The following ACSS3 variants were observed in gnomAD, a reference collection of about 807,000 sequenced individuals.
The protein encoded by ACSS3 is acyl-CoA synthetase short-chain family member 3, mitochondrial.
ACSS3 carries 64 observed loss-of-function variants against 84.2 expected under a neutral mutation model. The observed-to-expected ratio is 0.76, with a 90% CI of 0.62 to 0.94. The LOEUF (loss-of-function observed/expected upper bound fraction) is 0.94, where lower values mean the gene tolerates loss of function less well. Among genes scored for constraint, ACSS3 ranks in the 40% least tolerant of loss-of-function variants. ACSS3 has a pLI of 0.00. For missense variants in ACSS3, 815 were observed against 867.6 expected (o/e 0.94, Z 0.76); for synonymous variants, 317 against 310.1 (o/e 1.02, Z -0.23).
intron 12 of ACSS3, among the ~76,000 whole-genome samples, chr12:81,233,144 A>G (rs1035365483): frequency 6.6e-6 from 1 of 151,816 alleles, no homozygotes; most frequent in African/African-American, 2.4e-5. Flanking sequence ...AAAACACTTC[A>G]ACTTATTCTT....
intron 7 of ACSS3, chr12:81,174,583 G>A (rs184490427): frequency 3.3e-4 from 149 of 455,200 alleles, no homozygotes; most frequent in East Asian, 3.0e-3. Context: ...AAAGGTTTTA[G>A]GATACTAAAA....
chr12:81,121,046 C>T (rs564674178), intron 2 of ACSS3, among the ~76,000 whole-genome samples: 9 of 152,166 alleles, frequency 5.9e-5, no homozygotes, highest in South Asian at 2.1e-4. Flanking sequence ...TTTGGTTGAG[C>T]GATGTAGATG....
chr12:81,148,488 T>C (rs1886449674), intron 5 of ACSS3, among the ~76,000 whole-genome samples: 1 of 152,154 alleles, frequency 6.6e-6, no homozygotes, highest in South Asian at 2.1e-4. Context: ...CTGATTGGAT[T>C]TTTTAAACAC....
At chr12:81,229,146 G>A (rs2033371659) in intron 11 of ACSS3, among the ~76,000 whole-genome samples, 1 of 151,618 alleles carries the variant, frequency 6.6e-6, no homozygotes, top group African/African-American at 2.4e-5. Context: ...GTATAATAGA[G>A]CAATAATTTC....
Position 81,255,515 on chromosome 12 carries a change from T to A in ACSS3, c.*593T>A, listed in dbSNP as rs1313289061. The A allele has an allele frequency of 8.3e-6, 1 of 120,218 alleles. No homozygotes were observed. Among genetic ancestry groups the A allele is most frequent in the Non-Finnish European group, 2.0e-5 (1 of 49,332 alleles). 7.4% of individuals were successfully genotyped at this position (120,218 alleles called of 1,614,324 possible). A position where few individuals can be genotyped will look rare whatever the true frequency, so the allele number is the denominator to read the frequency against. ...GGGTTATAGCTATACCTTCAGGTCTTTTGTTACTTAGGCAAGGAAAACCAC... is the reference window on the plus strand; with the variant it reads ...GGGTTATAGCTATACCTTCAGGTCTATTGTTACTTAGGCAAGGAAAACCAC... On this transcript the variant is annotated 3_prime_UTR_variant, in exon 16 of 16. Transcript: ENST00000548058.
chr12:81,082,238 C>A (rs535465588), intron 1 of ACSS3, among the ~76,000 whole-genome samples: 1 of 152,314 alleles, frequency 6.6e-6, no homozygotes, highest in Admixed American at 6.5e-5. Flanking sequence ...CTTTTGGAAT[C>A]CCCAGTGTCT....
intron 8 of ACSS3, among the ~76,000 whole-genome samples, chr12:81,185,987 A>G (rs985978179): frequency 6.6e-6 from 1 of 151,876 alleles, no homozygotes; most frequent in Non-Finnish European, 1.5e-5. Context: ...TCAAAACAGT[A>G]GCTTACTGGC....
At chr12:81,126,934 A>AT (rs1326375450) in intron 2 of ACSS3, among the ~76,000 whole-genome samples, 7 of 151,960 alleles carry the variant, frequency 4.6e-5, no homozygotes, top group African/African-American at 1.7e-4. Flanking sequence ...CCACTATCAG[A>AT]TAACTATTTT....
intron 8 of ACSS3, among the ~76,000 whole-genome samples, chr12:81,197,147 G>C (rs1013173048): frequency 1.3e-5 from 2 of 151,852 alleles, no homozygotes; most frequent in Non-Finnish European, 2.9e-5. Context: ...CATCCTTATA[G>C]ATTTAAAGGT....
intron 1 of ACSS3, among the ~76,000 whole-genome samples, chr12:81,098,407 G>C (rs1402133473): frequency 6.6e-6 from 1 of 152,112 alleles, no homozygotes; most frequent in African/African-American, 2.4e-5. Context: ...ATTTGATGAT[G>C]TTTTTGTGAC....
intron 11 of ACSS3, among the ~76,000 whole-genome samples, chr12:81,228,461 G>A (rs1210050406): frequency 6.6e-6 from 1 of 151,808 alleles, no homozygotes; most frequent in Non-Finnish European, 1.5e-5. Flanking sequence ...TGTCCTTAAG[G>A]CTTAGTTTTT....
At chr12:81,231,726 T>C (rs576755138) in intron 12 of ACSS3, among the ~76,000 whole-genome samples, 1 of 151,840 alleles carries the variant, frequency 6.6e-6, no homozygotes, top group Non-Finnish European at 1.5e-5. Flanking sequence ...AAAAGTGCCT[T>C]CCTGTTTCAC....
chr12:81,165,420 C>T (rs1249153711), intron 7 of ACSS3, among the ~76,000 whole-genome samples: 12 of 152,068 alleles, frequency 7.9e-5, no homozygotes, highest in Admixed American at 5.2e-4. Context: ...CCAAGACAGG[C>T]GGATCACGAG....
intron 5 of ACSS3, among the ~76,000 whole-genome samples, chr12:81,144,471 A>G (rs1886231947): frequency 6.6e-6 from 1 of 152,138 alleles, no homozygotes; most frequent in South Asian, 2.1e-4. Context: ...AATCTGCTCG[A>G]CATAATTCTC....
intron 13 of ACSS3, among the ~76,000 whole-genome samples, chr12:81,241,295 T>C (rs956546947): frequency 2.0e-5 from 3 of 152,132 alleles, no homozygotes; most frequent in African/African-American, 7.2e-5. Context: ...GCAGTAAACA[T>C]ACATGTGCAT....
At chr12:81,254,775 C>T in intron 15 of ACSS3, 82 bp from the exon 16 acceptor site, 1 of 1,121,142 alleles carries the variant, frequency 8.9e-7, no homozygotes, top group Non-Finnish European at 1.3e-6. Context: ...GGGAAAACAA[C>T]ATTGCATATA....
intron 1 of ACSS3, among the ~76,000 whole-genome samples, chr12:81,097,171 T>C (rs1882126287): frequency 6.6e-6 from 1 of 152,186 alleles, no homozygotes; most frequent in Non-Finnish European, 1.5e-5. Context: ...ACATTTCCAT[T>C]GTCACAGAAA....
At chr12:81,145,641 A>G (rs1886305304) in intron 5 of ACSS3, among the ~76,000 whole-genome samples, 1 of 152,238 alleles carries the variant, frequency 6.6e-6, no homozygotes, top group South Asian at 2.1e-4. Context: ...GTTCAAAGTT[A>G]GGAGTCTAAG....
rs945505694 is a variant in ACSS3 at position 81,138,163 on chromosome 12, G to T, written c.646-968G>T. ...ACTTTGGGTCAATTATCTGCCTTCC[G>T]AATAATTTATTATGTGTCTCTTTTG... On this transcript the variant is annotated intron_variant, in intron 3 of 15. Coordinates refer to ENST00000548058, the MANE Select transcript of ACSS3 (RefSeq NM_024560.4). Among the ~76,000 whole-genome samples, 5 of 152,094 alleles carry T rather than the reference G, an allele frequency of 3.3e-5. No individual in the cohort carries two copies. In the South Asian group the frequency reaches 1.0e-3, roughly 32 times the overall value.
Sources: allele counts gnomAD v4.1 joint callset (sites outside exome capture counted in the v4.1 genomes callset), GRCh38; gene constraint gnomAD v4.1.1; transcripts MANE v1.5; gene names NCBI Gene and HGNC (gene_info 2026-07-23, HGNC 2026-07-21).